Variants in FCHSD2 observed in about 807,000 individuals in gnomAD.
FCHSD2 encodes FCH and double SH3 domains 2.
FCHSD2 carries 38 observed loss-of-function variants against 108.1 expected under a neutral mutation model. The ratio of observed to expected loss-of-function variants is 0.35; its 90% CI spans 0.27 to 0.46. The LOEUF (loss-of-function observed/expected upper bound fraction) is 0.46. Ranked by LOEUF, FCHSD2 falls within the 20% of genes least tolerant of loss-of-function variation. The pLI, the probability that FCHSD2 is intolerant of heterozygous loss-of-function variation, is 1.00. For missense variants in FCHSD2, 751 were observed against 897.8 expected (o/e 0.84, Z 2.09); for synonymous variants, 279 against 314.7 (o/e 0.89, Z 1.20).
At position 72,842,632 on chromosome 11, in the gene FCHSD2, T is replaced by C. The variant is rs1312689686; in HGVS notation, c.1915A>G (p.Arg639Gly). 6.2e-7 allele frequency: 1 copy of C among 1,614,026 alleles called. No individual in the cohort carries two copies. The highest frequency in any genetic ancestry group is 1.7e-5 in the Admixed American group (1 of 60,022). Residue 639 changes from arginine to glycine, a missense_variant, in exon 17 of 20, where the codon AGA becomes GGA. By Grantham distance (125) the Arg-to-Gly change is moderately radical. Coordinates refer to ENST00000409418, the MANE Select transcript of FCHSD2 (RefSeq NM_014824.3). ...ASENGDTPWM[R>G]EIQISPSPKP... ...CCCCTCTCAGGTACCTGAATCTCTCTCATCCATGGAGTGTCACCATTTTCT... is the reference window on the plus strand; with the variant it reads ...CCCCTCTCAGGTACCTGAATCTCTCCCATCCATGGAGTGTCACCATTTTCT...
At chr11:73,088,303 C>T (rs892517209) in intron 2 of FCHSD2, among the ~76,000 whole-genome samples, 2 of 152,092 alleles carry the variant, frequency 1.3e-5, no homozygotes, top group African/African-American at 4.8e-5. Context: ...GGTTTGTAGC[C>T]TAGGAGCAAT....
chr11:72,978,664 C>T (rs149314558), intron 8 of FCHSD2, among the ~76,000 whole-genome samples: 259 of 152,104 alleles, frequency 1.7e-3, no homozygotes, highest in African/African-American at 5.8e-3. Flanking sequence ...TGAGTTCTCA[C>T]GATATCTGAT....
At chr11:72,865,475 G>A (rs973260928) in intron 13 of FCHSD2, among the ~76,000 whole-genome samples, 4 of 152,138 alleles carry the variant, frequency 2.6e-5, no homozygotes, top group African/African-American at 9.7e-5. Context: ...CCTTCACAGA[G>A]GATATGTATG....
At chr11:72,976,796 C>A (rs1279006827) in intron 8 of FCHSD2, among the ~76,000 whole-genome samples, 3 of 152,068 alleles carry the variant, frequency 2.0e-5, no homozygotes, top group Admixed American at 1.3e-4. Flanking sequence ...AGAACATACA[C>A]TGGGGGAAAA....
At chr11:73,052,397 T>C (rs766596984) in intron 3 of FCHSD2, among the ~76,000 whole-genome samples, 2 of 152,206 alleles carry the variant, frequency 1.3e-5, no homozygotes, top group Non-Finnish European at 2.9e-5. Flanking sequence ...TGAGAAACTC[T>C]TGGTATAATT....
intron 3 of FCHSD2, among the ~76,000 whole-genome samples, chr11:73,066,003 A>G (rs1044759282): frequency 2.6e-5 from 4 of 152,196 alleles, no homozygotes; most frequent in Admixed American, 2.0e-4. Context: ...GAAAAAAACT[A>G]CTTTAAAGTT....
At chr11:73,138,508 T>C (rs1279497601) in intron 2 of FCHSD2, among the ~76,000 whole-genome samples, 1 of 152,212 alleles carries the variant, frequency 6.6e-6, no homozygotes, top group Non-Finnish European at 1.5e-5. Flanking sequence ...GAAAATGTAT[T>C]ACTTTCTTCA....
intron 3 of FCHSD2, among the ~76,000 whole-genome samples, chr11:73,041,315 A>C (rs998986332): frequency 1.3e-5 from 2 of 152,174 alleles, no homozygotes; most frequent in African/African-American, 4.8e-5. Context: ...ACTGTTTTCC[A>C]TAGTAGCTAT....
chr11:72,972,228 T>TG (rs1371174041), intron 8 of FCHSD2, among the ~76,000 whole-genome samples: 2 of 152,210 alleles, frequency 1.3e-5, no homozygotes, highest in Non-Finnish European at 2.9e-5. Flanking sequence ...TTCAATTACC[T>TG]GTTAGACCTG....
chr11:73,027,202 T>C (rs976540251), intron 3 of FCHSD2, among the ~76,000 whole-genome samples: 3 of 152,174 alleles, frequency 2.0e-5, no homozygotes, highest in Non-Finnish European at 4.4e-5. Context: ...TTGAATGGTT[T>C]TGACCAAAAC....
intron 3 of FCHSD2, among the ~76,000 whole-genome samples, chr11:73,041,145 G>C (rs779227456): frequency 6.6e-6 from 1 of 152,142 alleles, no homozygotes; most frequent in Admixed American, 6.5e-5. Context: ...GGACACGTAG[G>C]TTGATTCCAT....
intron 4 of FCHSD2, 114 bp from the exon 5 acceptor site, chr11:73,001,248 A>G: frequency 1.2e-6 from 1 of 847,700 alleles, no homozygotes; most frequent in Non-Finnish European, 1.9e-6. Flanking sequence ...TCTTTAATGT[A>G]TTTATAATGG....
intron 10 of FCHSD2, among the ~76,000 whole-genome samples, chr11:72,899,904 T>C (rs1473723378): frequency 6.6e-6 from 1 of 152,150 alleles, no homozygotes; most frequent in Non-Finnish European, 1.5e-5. Flanking sequence ...AACATTACTA[T>C]TGCAATCACA....
At chr11:72,999,824 T>A (rs544037279) in intron 5 of FCHSD2, among the ~76,000 whole-genome samples, 16 of 151,828 alleles carry the variant, frequency 1.1e-4, no homozygotes, top group Non-Finnish European at 2.2e-4. Context: ...ATACTAGTAT[T>A]AATTCTCTGC....
intron 3 of FCHSD2, among the ~76,000 whole-genome samples, chr11:73,018,404 C>T (rs1591486016): frequency 6.6e-6 from 1 of 152,108 alleles, no homozygotes; most frequent in African/African-American, 2.4e-5. Flanking sequence ...AAAGTATCTT[C>T]GCCTCTGGCC....
At chr11:72,910,245 G>T (rs1408728107) in intron 9 of FCHSD2, among the ~76,000 whole-genome samples, 6 of 146,804 alleles carry the variant, frequency 4.1e-5, no homozygotes, top group African/African-American at 1.5e-4. Context: ...TGTGAGGAGA[G>T]CCTCTGCCCG....
At chr11:73,087,570 T>TG (rs1268819487) in intron 2 of FCHSD2, among the ~76,000 whole-genome samples, 1 of 151,892 alleles carries the variant, frequency 6.6e-6, no homozygotes, top group African/African-American at 2.4e-5. Flanking sequence ...CCAGGCATGG[T>TG]GGCGTGTGCC....
At chr11:72,982,170 A>G (rs984833416) in intron 8 of FCHSD2, among the ~76,000 whole-genome samples, 2 of 152,236 alleles carry the variant, frequency 1.3e-5, no homozygotes, top group African/African-American at 4.8e-5. Context: ...AAAGGAAAGA[A>G]AAAACGTTTT....
chr11:73,123,804 T>C (rs1860790094), intron 2 of FCHSD2, among the ~76,000 whole-genome samples: 1 of 152,210 alleles, frequency 6.6e-6, no homozygotes. Context: ...GCTGGCCAAC[T>C]GACTCTTACT....
Sources: allele counts gnomAD v4.1 joint callset (sites outside exome capture counted in the v4.1 genomes callset), GRCh38; gene constraint gnomAD v4.1.1; transcripts MANE v1.5; gene names NCBI Gene and HGNC (gene_info 2026-07-23, HGNC 2026-07-21).